Variants in HNRNPAB observed in about 807,000 individuals in gnomAD.
HNRNPAB encodes the protein ABBP-1.
A neutral mutation model predicts 44.1 loss-of-function variants in HNRNPAB; 17 were observed. That is an observed-to-expected ratio of 0.39 (90% CI 0.26 to 0.58). HNRNPAB has a LOEUF of 0.58. Ranked by LOEUF, HNRNPAB falls within the 20% of genes least tolerant of loss-of-function variation. The probability of loss-of-function intolerance (pLI) is 0.63; values close to 1 mark genes in which losing one functional copy is unlikely to be tolerated. For missense variants in HNRNPAB, 393 were observed against 432.7 expected, an observed-to-expected ratio of 0.91 and a Z score of 0.81; for synonymous variants, 183 against 167.6, an observed-to-expected ratio of 1.09 and a Z score of -0.71.
intron 3 of HNRNPAB, among the ~76,000 whole-genome samples, chr5:178,206,470 T>C (rs974529931): frequency 6.6e-6 from 1 of 152,200 alleles, no homozygotes; most frequent in African/African-American, 2.4e-5. Context: ...GCTTCGCTTC[T>C]GGAGATGGGC....
In HNRNPAB at chr5:178,204,659, G is replaced by T; in HGVS notation, c.-105G>T. On this transcript the variant is annotated 5_prime_UTR_variant, in exon 1 of 8. Transcript: ENST00000358344. ...CTGACTGGGGCGAGGCCTCAGCAGC[G>T]CGAGCTTGAGTGCGGCCGAGCCTGC... 1 of 307,992 alleles carries T rather than the reference G, an allele frequency of 3.2e-6. No individual in the cohort carries two copies. 19.1% of individuals were successfully genotyped at this position (307,992 alleles called of 1,614,324 possible). A position where few individuals can be genotyped will look rare whatever the true frequency, so the allele number is the denominator to read the frequency against.
chr5:178,204,693 C>A lies in HNRNPAB; in HGVS notation c.-71C>A. The A allele has an allele frequency of 2.6e-6, 1 of 379,160 alleles. No individual in the cohort carries two copies. The highest frequency in any genetic ancestry group is 4.3e-6 in the Non-Finnish European group (1 of 230,642). The allele number at this position is 379,160 out of a possible 1,614,324, so 23.5% of individuals were successfully genotyped here. ...AGTGCGGCCGAGCCTGCGGCGCCTT[C>A]CCCTGCGGGTGGGGACGAGCGGGCC... is the stretch of plus-strand genomic sequence containing the variant. On this transcript the variant is annotated 5_prime_UTR_variant, in exon 1 of 8. Transcript: ENST00000358344.
At chr5:178,205,268 C>T (rs1235994441) in intron 2 of HNRNPAB, among the ~76,000 whole-genome samples, 7 of 151,096 alleles carry the variant, frequency 4.6e-5, no homozygotes, top group South Asian at 2.1e-4. Flanking sequence ...CGGGGCCGCT[C>T]GCGCGCTGCC....
chr5:178,207,218 G>C lies in HNRNPAB; in HGVS notation c.662G>C (p.Gly221Ala), dbSNP rs1241400565. The C allele has an allele frequency of 6.2e-7, 1 of 1,614,046 alleles. No individual in the cohort carries two copies. Reference sequence around the variant, plus strand: ...GAGAAAAAGTTCCATACTGTCAGTGGAAGCAAGGTAAGGTGTTCCCAGCTC... The same window carrying C: ...GAGAAAAAGTTCCATACTGTCAGTGCAAGCAAGGTAAGGTGTTCCCAGCTC... ...VLEKKFHTVSGSKCEIKVAQP... is the reference protein window; with the variant it reads ...VLEKKFHTVSASKCEIKVAQP... Residue 221 changes from glycine to alanine, a missense_variant, in exon 5 of 8, where the codon GGA becomes GCA. Physicochemically the swap from Gly to Ala is moderately conservative, Grantham distance 60. Coordinates refer to ENST00000358344, the MANE Select transcript of HNRNPAB (RefSeq NM_031266.3).
chr5:178,206,803 G>C lies in HNRNPAB; in HGVS notation c.450G>C (p.Lys150Asn). Residue 150 changes from lysine to asparagine, a missense_variant, in exon 4 of 8, where the codon AAG (lysine) becomes AAC (asparagine). By Grantham distance (94) the Lys-to-Asn change is moderately conservative (BLOSUM62 0). Around this residue, in one of 3 missense-constraint regions of HNRNPAB, gnomAD observed 102 missense variants for 162.3 expected, o/e 0.63. Coordinates refer to ENST00000358344, the MANE Select transcript of HNRNPAB (RefSeq NM_031266.3). ...IDPKKAMAMK[K>N]DPVKKIFVGG... ...CTAAAAAGGCCATGGCTATGAAGAA[G>C]GACCCGGTGAAGAAAATCTTCGTTG... 6.2e-7 allele frequency: 1 copy of C among 1,614,152 alleles called. No individual in the cohort carries two copies. Among genetic ancestry groups the C allele is most frequent in the Non-Finnish European group, 8.5e-7 (1 of 1,180,014 alleles).
intron 6 of HNRNPAB, 121 bp from the exon 7 acceptor site, chr5:178,210,011 C>G: frequency 7.2e-7 from 1 of 1,393,972 alleles, no homozygotes; most frequent in Non-Finnish European, 9.8e-7. Flanking sequence ...AACAGCAGCC[C>G]CTTGGCTTCT....
chr5:178,206,990 T>G, intron 4 of HNRNPAB, 100 bp downstream of exon 4: 2 of 1,585,712 alleles, frequency 1.3e-6, no homozygotes, highest in South Asian at 2.3e-5. Context: ...AGGCAGGGCT[T>G]ATTTTTCACC....
intron 4 of HNRNPAB, 85 bp from the exon 5 acceptor site, chr5:178,207,007 CTT>C (rs1757093709): frequency 3.1e-6 from 5 of 1,587,790 alleles, no homozygotes; most frequent in Non-Finnish European, 3.4e-6. Context: ...CACCCTCTGT[CTT>C]CAATGGGGTC....
intron 5 of HNRNPAB, among the ~76,000 whole-genome samples, chr5:178,207,727 G>C (rs965369939): frequency 2.5e-5 from 3 of 118,682 alleles, no homozygotes; most frequent in African/African-American, 1.0e-4. Flanking sequence ...CTTTGAGACA[G>C]AGTCTTGCTT....
rs1031326437 is a variant in HNRNPAB, at chr5:178,210,971, C to CT, written c.*355dup. Reference sequence around the variant, plus strand: ...TTGTATCTTAGGAAACCAGTGTCACCTTTTTTTCACCTTTTAATTTTATAT... The same window carrying CT: ...TTGTATCTTAGGAAACCAGTGTCACCTTTTTTTTCACCTTTTAATTTTATAT... On this transcript the variant is annotated 3_prime_UTR_variant, in exon 8 of 8. Transcript: ENST00000358344. 7.3e-6 allele frequency: 2 copies of CT among 272,282 alleles called. No homozygotes were observed. The highest frequency in any genetic ancestry group is 4.9e-5 in the Admixed American group (1 of 20,336). 16.9% of individuals were successfully genotyped at this position (272,282 alleles called of 1,614,324 possible). A position where few individuals can be genotyped will look rare whatever the true frequency, so the allele number is the denominator to read the frequency against.
chr5:178,205,344 C>CGGACCCG (rs1188643090), intron 2 of HNRNPAB, among the ~76,000 whole-genome samples: 1 of 151,682 alleles, frequency 6.6e-6, no homozygotes, highest in Admixed American at 6.6e-5. Context: ...GGAAAGCGCT[C>CGGACCCG]GGACCCGGGG....
chr5:178,204,879 C>T lies in HNRNPAB; in HGVS notation c.42C>T (p.Gly14=), dbSNP rs1450773972. ...AGEEQPMETT[G]ATENGHEAVP... is the part of the protein sequence containing the mutation. ...AGGAGCAGCCCATGGAGACGACGGG[C>T]GCCACCGAGAACGGACATGAGGCCG... Residue 14 remains glycine, a synonymous_variant, in exon 2 of 8, where the codon GGC becomes GGT. Transcript: ENST00000358344. 1.7e-6 allele frequency: 2 copies of T among 1,163,452 alleles called. No homozygotes were observed. The highest frequency in any genetic ancestry group is 5.7e-5 in the Admixed American group (1 of 17,626). The allele number at this position is 1,163,452 out of a possible 1,614,324, so 72.1% of individuals were successfully genotyped here. A position where few individuals can be genotyped will look rare whatever the true frequency, so the allele number is the denominator to read the frequency against.
intron 3 of HNRNPAB, 88 bp downstream of exon 3, chr5:178,206,098 T>C: frequency 7.6e-7 from 1 of 1,313,314 alleles, no homozygotes; most frequent in Non-Finnish European, 1.1e-6. Context: ...CTAGTTTGTG[T>C]GGTCTGCATG....
chr5:178,210,685 A>AATT lies in HNRNPAB; in HGVS notation c.*65_*67dup. The AATT allele has an allele frequency of 7.7e-7, 1 of 1,294,840 alleles. No individual in the cohort carries two copies. The highest frequency in any genetic ancestry group is 1.2e-5 in the South Asian group (1 of 84,410). 80.2% of individuals were successfully genotyped at this position (1,294,840 alleles called of 1,614,324 possible). On this transcript the variant is annotated 3_prime_UTR_variant, in exon 8 of 8. Transcript: ENST00000358344. ...CTTTGTTTGGATATGGAGTGAACAC[A>AATT]ATTATGTACCAAATTTAACTTGGCA... is the stretch of plus-strand genomic sequence containing the variant.
chr5:178,210,495 G>C, intron 7 of HNRNPAB, 58 bp from the exon 8 acceptor site: 5 of 1,548,424 alleles, frequency 3.2e-6, no homozygotes, highest in Non-Finnish European at 4.5e-6. Flanking sequence ...CATATCAAGC[G>C]CGTGGCACAG....
chr5:178,207,227 T>TAAGG lies in HNRNPAB; in HGVS notation c.669+3_669+6dup, dbSNP rs1356446752. 6.2e-7 allele frequency: 1 copy of TAAGG among 1,613,988 alleles called. No homozygotes were observed. Among genetic ancestry groups the TAAGG allele is most frequent in the Non-Finnish European group, 8.5e-7 (1 of 1,179,964 alleles). On this transcript the variant is annotated splice_region_variant and intron_variant, in intron 5 of 7. Transcript: ENST00000358344. ...TTCCATACTGTCAGTGGAAGCAAGG[T>TAAGG]AAGGTGTTCCCAGCTCTGCTTGGCC...
At chr5:178,210,450 C>G in intron 7 of HNRNPAB, 103 bp from the exon 8 acceptor site, 2 of 1,489,626 alleles carry the variant, frequency 1.3e-6, no homozygotes, top group South Asian at 1.1e-5. Context: ...AAGGCAGTCT[C>G]TGCTGTCACG....
chr5:178,210,519 A>AAAT (rs1379845016), intron 7 of HNRNPAB, 34 bp from the exon 8 acceptor site: 9 of 1,604,562 alleles, frequency 5.6e-6, no homozygotes, highest in Non-Finnish European at 7.7e-6. Flanking sequence ...AAATGCTTGT[A>AAAT]AATAGTAGCT....
intron 6 of HNRNPAB, 100 bp from the exon 7 acceptor site, chr5:178,210,032 C>T: frequency 1.3e-6 from 2 of 1,528,570 alleles, no homozygotes; most frequent in Admixed American, 2.1e-5. Flanking sequence ...GCCTGAGTTG[C>T]CACAGTAACC....
Sources: allele counts gnomAD v4.1 joint callset (sites outside exome capture counted in the v4.1 genomes callset), GRCh38; gene constraint gnomAD v4.1.1; regional missense constraint gnomAD v4.1.1; transcripts MANE v1.5; gene names NCBI Gene and HGNC (gene_info 2026-07-23, HGNC 2026-07-21).